Variants in PIK3IP1 observed in about 807,000 individuals in gnomAD.
PIK3IP1 encodes phosphoinositide-3-kinase-interacting protein 1.
Under a neutral mutation model 30.7 loss-of-function variants are expected in PIK3IP1, and 28 were observed. That is an observed-to-expected ratio of 0.91 (90% CI 0.68 to 1.25). PIK3IP1 has a LOEUF of 1.25. Among genes scored for constraint, PIK3IP1 ranks in the 50% most tolerant of loss-of-function variants. The pLI, the probability that PIK3IP1 is intolerant of heterozygous loss-of-function variation, is 0.00. For synonymous variants in PIK3IP1, 159 were observed against 140.8 expected (o/e 1.13, Z -0.91); for missense variants, 333 against 346.2 (o/e 0.96, Z 0.30).
rs931606267 is a variant in PIK3IP1 at position 31,288,298 on chromosome 22, C to A, written c.587+1017G>T. On this transcript the variant is annotated intron_variant, in intron 5 of 5. Transcript: ENST00000215912. ...GGGGGTGGGTGGGGGTAATTACTTG[C>A]GCCCTGGGAGGTTGAGGCTGCAGTG... Among the ~76,000 whole-genome samples the A allele has an allele frequency of 5.9e-5, 9 of 151,362 alleles. No individual in the cohort carries two copies. In the East Asian group the frequency reaches 9.7e-4, roughly 16 times the overall value.
chr22:31,289,401 G>A lies in PIK3IP1; in HGVS notation c.509-8C>T, dbSNP rs368787344. 252 of 1,600,862 alleles carry A rather than the reference G, an allele frequency of 1.6e-4. No homozygotes were observed. The highest frequency in any genetic ancestry group is 2.0e-4 in the Non-Finnish European group (238 of 1,173,708). On this transcript the variant is annotated splice_region_variant and splice_polypyrimidine_tract_variant and intron_variant, in intron 4 of 5. Transcript: ENST00000215912. ...TAATGCCCAGCACGTAGCCTGCCAAGGATAGGACACAAGGTCCCATTAGCC... is the reference window on the plus strand; with the variant it reads ...TAATGCCCAGCACGTAGCCTGCCAAAGATAGGACACAAGGTCCCATTAGCC...
intron 1 of PIK3IP1, 35 bp downstream of exon 1, chr22:31,292,240 G>A: frequency 1.2e-6 from 2 of 1,603,190 alleles, no homozygotes; most frequent in East Asian, 2.2e-5. Context: ...TCTGTTTCAT[G>A]AAGTTGCTGC....
In PIK3IP1 at chr22:31,291,229, G is replaced by A. The variant is rs968522809; in HGVS notation, c.138C>T (p.Cys46=). 1 of 1,550,654 alleles carries A rather than the reference G, an allele frequency of 6.4e-7. No individual in the cohort carries two copies. Among genetic ancestry groups the A allele is most frequent in the Non-Finnish European group, 8.7e-7 (1 of 1,147,160 alleles). The change falls in exon 2 of 6, where the codon TGC becomes TGT. Residue 46 remains cysteine, a synonymous_variant. Transcript: ENST00000215912. ...DQTSPAPGLR[C]LNWLDAQSGL... ...CGCTCTGCGCGTCCAGCCAGTTGAG[G>A]CAGCGGAGGCCCGGCGCGGGGGAGG...
intron 5 of PIK3IP1, 49 bp downstream of exon 5, chr22:31,289,266 G>A: frequency 6.3e-7 from 1 of 1,589,158 alleles, no homozygotes; most frequent in Non-Finnish European, 8.6e-7. Flanking sequence ...TTGACTTTGT[G>A]TACCTTCCTC....
At position 31,289,317 on chromosome 22, in the gene PIK3IP1, C is replaced by CT. The variant is rs761547142; in HGVS notation, c.584dup (p.Arg196GlufsTer10). On this transcript the variant is annotated frameshift_variant, in exon 5 of 6. Coordinates refer to ENST00000215912, the MANE Select transcript of PIK3IP1 (RefSeq NM_052880.5). LOFTEE classifies it high-confidence loss of function. ...GGCCCAGAAGAGAAGCTACTGACCT[C>CT]TTGTAGGAGTAGCCCAAGATGATGC... 10 of 1,614,000 alleles carry CT rather than the reference C, an allele frequency of 6.2e-6. No individual in the cohort carries two copies. The highest frequency in any genetic ancestry group is 8.5e-6 in the Non-Finnish European group (10 of 1,179,980).
Position 31,283,112 on chromosome 22 carries a change from A to C in PIK3IP1, c.764T>G (p.Met255Arg). 2.5e-6 allele frequency: 4 copies of C among 1,609,970 alleles called. No individual in the cohort carries two copies. The highest frequency in any genetic ancestry group is 3.4e-6 in the Non-Finnish European group (4 of 1,178,230). Residue 255 changes from methionine to arginine, a missense_variant, in exon 6 of 6, where the codon ATG becomes AGG. Around this residue, in one of 3 missense-constraint regions of PIK3IP1, gnomAD observed 217 missense variants for 227.7 expected, o/e 0.95. Coordinates refer to ENST00000215912, the MANE Select transcript of PIK3IP1 (RefSeq NM_052880.5). Reference protein sequence around the residue: ...VDPQEGTTPLMGQAGTPGA With the variant: ...VDPQEGTTPLRGQAGTPGA Reference sequence around the variant, plus strand: ...GGCCCCAGGAGTCCCGGCCTGGCCCATAAGGGGGGTGGTGCCCTCCTGAGG... The same window carrying C: ...GGCCCCAGGAGTCCCGGCCTGGCCCCTAAGGGGGGTGGTGCCCTCCTGAGG...
rs141920153 is a variant in PIK3IP1 at position 31,282,089 on chromosome 22, G to C, written c.*995C>G. 2.0e-5 allele frequency: 3 copies of C among 152,258 alleles called. No individual in the cohort carries two copies. Among genetic ancestry groups the C allele is most frequent in the Non-Finnish European group, 4.4e-5 (3 of 68,066 alleles). 9.4% of individuals were successfully genotyped at this position (152,258 alleles called of 1,614,324 possible). On this transcript the variant is annotated 3_prime_UTR_variant, in exon 6 of 6. Transcript: ENST00000215912. ...TCTTTGATTGCTTTATGAGTTAGGGGCTGTGACCCTAGCCCCAGTGCCCTA... is the reference window on the plus strand; with the variant it reads ...TCTTTGATTGCTTTATGAGTTAGGGCCTGTGACCCTAGCCCCAGTGCCCTA...
intron 1 of PIK3IP1, 121 bp from the exon 2 acceptor site, chr22:31,291,417 G>A: frequency 2.3e-6 from 2 of 878,780 alleles, no homozygotes; most frequent in Admixed American, 2.1e-5. Context: ...GGGGACCCCG[G>A]GCCCTGCTGG....
chr22:31,287,804 G>A (rs973409089), intron 5 of PIK3IP1, among the ~76,000 whole-genome samples: 1 of 152,126 alleles, frequency 6.6e-6, no homozygotes, highest in Admixed American at 6.5e-5. Flanking sequence ...TCCACCAAAT[G>A]CTAGGTGTGT....
chr22:31,283,265 T>G lies in PIK3IP1; in HGVS notation c.611A>C (p.His204Pro), dbSNP rs761357033. The G allele has an allele frequency of 1.9e-6, 3 of 1,613,932 alleles. No individual in the cohort carries two copies. The highest frequency in any genetic ancestry group is 2.5e-6 in the Non-Finnish European group (3 of 1,179,998). Residue 204 changes from histidine (H) to proline (P), a missense_variant, in exon 6 of 6, where the codon CAT (histidine) becomes CCT (proline). Physicochemically the swap from His to Pro is moderately conservative, Grantham distance 77 (BLOSUM62 -2). This residue lies in a region of PIK3IP1 where 217 missense variants were observed against 227.7 expected (regional missense o/e 0.95). Transcript: ENST00000215912. ...YKRGKDLKEQ[H>P]DQKVCEREMQ... ...CTCCCTCTCACATACTTTCTGATCATGCTGTTCTTTCAAATCCTTCCCCCT... is the reference window on the plus strand; with the variant it reads ...CTCCCTCTCACATACTTTCTGATCAGGCTGTTCTTTCAAATCCTTCCCCCT...
In PIK3IP1 at chr22:31,290,965, C is replaced by T. The variant is rs1468299994; in HGVS notation, c.307G>A (p.Glu103Lys). The T allele has an allele frequency of 3.8e-6, 6 of 1,596,564 alleles. No homozygotes were observed. The highest frequency in any genetic ancestry group is 1.1e-5 in the South Asian group (1 of 89,400). ...KRPCEDLRCP[E>K]TTSQALPAFT... ...GATTCCCGGGGTCCCGGGCAGGTAC[C>T]TGGACAGCGCAGGTCCTCGCAAGGC... The change falls in exon 3 of 6, where the codon GAG becomes AAG. Residue 103 changes from glutamate to lysine, a missense_variant and splice_region_variant. By Grantham distance (56) the Glu-to-Lys change is moderately conservative (BLOSUM62 1). This residue lies in a region of PIK3IP1 where 217 missense variants were observed against 227.7 expected (regional missense o/e 0.95). Coordinates refer to ENST00000215912, the MANE Select transcript of PIK3IP1 (RefSeq NM_052880.5).
intron 5 of PIK3IP1, among the ~76,000 whole-genome samples, chr22:31,288,540 T>TC (rs2123889688): frequency 6.6e-6 from 1 of 152,224 alleles, no homozygotes; most frequent in Non-Finnish European, 1.5e-5. Context: ...AGAAGTCAAA[T>TC]CCCCCGATTT....
Position 31,291,152 on chromosome 22 carries a change from C to T in PIK3IP1, c.187+28G>A, listed in dbSNP as rs1018414259. 3.2e-6 allele frequency: 5 copies of T among 1,539,060 alleles called. 1 individual carries two copies. The highest frequency in any genetic ancestry group is 5.0e-5 in the East Asian group (2 of 40,038). On this transcript the variant is annotated intron_variant, in intron 2 of 5. Transcript: ENST00000215912. ...GGAACGCGGCCGCCGCCCGCCAGCC[C>T]CGGGGCCGTCCCCCGGAGGACACTT...
In PIK3IP1 at chr22:31,286,867, G is replaced by A. The variant is rs182452903; in HGVS notation, c.587+2448C>T. On this transcript the variant is annotated intron_variant, in intron 5 of 5. Coordinates refer to ENST00000215912, the MANE Select transcript of PIK3IP1 (RefSeq NM_052880.5). Reference sequence around the variant, plus strand: ...CATTAACTCTGAAATGAACAAGCAGGTGTCCCTGGACCTGCATGTCAAGCA... The same window carrying A: ...CATTAACTCTGAAATGAACAAGCAGATGTCCCTGGACCTGCATGTCAAGCA... Among the ~76,000 whole-genome samples, 4 of 152,314 alleles carry A rather than the reference G, an allele frequency of 2.6e-5. No homozygotes were observed. In the East Asian group the frequency reaches 7.7e-4, roughly 29 times the overall value.
chr22:31,285,973 G>GACC (rs1420238583), intron 5 of PIK3IP1, among the ~76,000 whole-genome samples: 1 of 152,106 alleles, frequency 6.6e-6, no homozygotes, highest in Non-Finnish European at 1.5e-5. Context: ...AGAAGTTCAA[G>GACC]ACCAGCCTGG....
At chr22:31,290,882 C>A in intron 3 of PIK3IP1, 83 bp downstream of exon 3, 1 of 1,447,076 alleles carries the variant, frequency 6.9e-7, no homozygotes, top group Non-Finnish European at 9.1e-7. Flanking sequence ...GCCGGCATCG[C>A]GCGGCCGCAC....
chr22:31,288,155 C>T (rs2049145546), intron 5 of PIK3IP1, among the ~76,000 whole-genome samples: 1 of 151,874 alleles, frequency 6.6e-6, no homozygotes, highest in Non-Finnish European at 1.5e-5. Flanking sequence ...GGTAGGAGGA[C>T]TGCTTGAGCC....
rs1010135827 is a variant in PIK3IP1 at position 31,291,532 on chromosome 22, C to G, written c.71-236G>C. On this transcript the variant is annotated intron_variant, in intron 1 of 5. Coordinates refer to ENST00000215912, the MANE Select transcript of PIK3IP1 (RefSeq NM_052880.5). ...AAGCCCCCAGCCTGTGCCTGTCCCC[C>G]AGTCAACGCTCAGAGACTGTTAGGT... Among the ~76,000 whole-genome samples the G allele has an allele frequency of 1.6e-4, 24 of 151,270 alleles. 3 individuals carry two copies. The highest frequency in any genetic ancestry group is 1.4e-3 in the Admixed American group (22 of 15,180).
chr22:31,291,130 A>T (rs1436821209), intron 2 of PIK3IP1, 46 bp from the exon 3 acceptor site: 1 of 1,537,408 alleles, frequency 6.5e-7, no homozygotes, highest in South Asian at 1.2e-5. Context: ...GGCACCGGGA[A>T]CGCGGCCGCC....
Sources: allele counts gnomAD v4.1 joint callset (sites outside exome capture counted in the v4.1 genomes callset), GRCh38; gene constraint gnomAD v4.1.1; regional missense constraint gnomAD v4.1.1; transcripts MANE v1.5; gene names NCBI Gene and HGNC (gene_info 2026-07-23, HGNC 2026-07-21).